The following NCKAP5 variants were observed in gnomAD, a reference collection of about 807,000 sequenced individuals.
NCKAP5 encodes the protein NCK associated protein 5.
A neutral mutation model predicts 167.0 loss-of-function variants in NCKAP5; 92 were observed. The observed-to-expected ratio is 0.55, with a 90% CI of 0.47 to 0.66. The LOEUF is 0.66. NCKAP5 is among the 30% of genes least tolerant of loss of function. The pLI, the probability that NCKAP5 is intolerant of heterozygous loss-of-function variation, is 0.00. For missense variants in NCKAP5, 2,378 were observed against 2,315.0 expected (o/e 1.03, Z -0.56); for synonymous variants, 891 against 877.4 (o/e 1.02, Z -0.27).
At chr2:133,115,856 C>T (rs1244151782) in intron 6 of NCKAP5, among the ~76,000 whole-genome samples, 8 of 119,898 alleles carry the variant, frequency 6.7e-5, no homozygotes, top group African/African-American at 2.4e-4. Flanking sequence ...CCTTCTCAAC[C>T]TGGTATGGAG....
chr2:133,116,512 A>G (rs1294052150), intron 6 of NCKAP5, among the ~76,000 whole-genome samples: 2 of 150,880 alleles, frequency 1.3e-5, no homozygotes, highest in African/African-American at 4.9e-5. Flanking sequence ...AAAAAAAAAA[A>G]AAAAGAAAAA....
intron 6 of NCKAP5, among the ~76,000 whole-genome samples, chr2:133,044,115 A>AT (rs2079306965): frequency 6.6e-6 from 1 of 152,142 alleles, no homozygotes; most frequent in Non-Finnish European, 1.5e-5. Flanking sequence ...GGGCTGGTAA[A>AT]TTGTTTATTC....
intron 16 of NCKAP5, among the ~76,000 whole-genome samples, chr2:132,756,147 C>A (rs997856552): frequency 1.3e-5 from 2 of 152,062 alleles, no homozygotes; most frequent in African/African-American, 4.8e-5. Context: ...TGAAAACACA[C>A]TCAAAAATGC....
At chr2:133,282,202 T>C (rs937947630) in intron 4 of NCKAP5, among the ~76,000 whole-genome samples, 1 of 152,206 alleles carries the variant, frequency 6.6e-6, no homozygotes, top group African/African-American at 2.4e-5. Context: ...GACTTAATAC[T>C]TGTGAAGTGT....
At chr2:133,326,156 T>C (rs370703840) in intron 3 of NCKAP5, among the ~76,000 whole-genome samples, 3 of 152,136 alleles carry the variant, frequency 2.0e-5, no homozygotes, top group African/African-American at 7.2e-5. Context: ...TAGGATATCC[T>C]TGATTGAAAA....
intron 11 of NCKAP5, among the ~76,000 whole-genome samples, chr2:132,820,638 A>C (rs1419628772): frequency 6.6e-6 from 1 of 152,182 alleles, no homozygotes; most frequent in Non-Finnish European, 1.5e-5. Flanking sequence ...TCCTCTCTGC[A>C]TAGCCCTTTG....
rs554663712 is a variant in NCKAP5, at chr2:133,490,422, C to T, written c.69+27036G>A. ...TTTTTAGATTTCTTACTTCTACTGACGGAGCAGTTAAGACCTGCCCTGTGG... is the reference window on the plus strand; with the variant it reads ...TTTTTAGATTTCTTACTTCTACTGATGGAGCAGTTAAGACCTGCCCTGTGG... On this transcript the variant is annotated intron_variant, in intron 3 of 19. Transcript: ENST00000409261. Among the ~76,000 whole-genome samples, 58 of 152,264 alleles carry T rather than the reference C, an allele frequency of 3.8e-4. No homozygotes were observed. The South Asian group carries it at 5.4e-3, about 14-fold the overall frequency.
intron 3 of NCKAP5, among the ~76,000 whole-genome samples, chr2:133,423,951 A>C (rs1299037669): frequency 6.6e-6 from 1 of 152,212 alleles, no homozygotes; most frequent in Non-Finnish European, 1.5e-5. Context: ...CTAAAGCAAG[A>C]CTAATTTCTC....
At position 132,785,417 on chromosome 2, in the gene NCKAP5, T is replaced by A. The variant is rs202210979; in HGVS notation, c.1394A>T (p.His465Leu). 3 of 1,613,916 alleles carry A rather than the reference T, an allele frequency of 1.9e-6. No individual in the cohort carries two copies. In the Admixed American group the frequency reaches 5.0e-5, roughly 27 times the overall value. The change falls in exon 14 of 20, where the codon CAC (histidine) becomes CTC (leucine). Residue 465 changes from histidine to leucine, a missense_variant. By Grantham distance (99) the His-to-Leu change is moderately conservative. Transcript: ENST00000409261. ...ADLGSPCKEP[H>L]KTFVYDLDSH... Reference sequence around the variant, plus strand: ...ATCTAGATCATAAACAAATGTCTTGTGGGGTTCCTTGCAGGGGCTCCCCAG... The same window carrying A: ...ATCTAGATCATAAACAAATGTCTTGAGGGGTTCCTTGCAGGGGCTCCCCAG...
At chr2:133,637,794 G>C in the NCKAP5 span, among the ~76,000 whole-genome samples, 1 of 152,070 alleles carries the variant, frequency 6.6e-6, no homozygotes, top group African/African-American at 2.4e-5. Flanking sequence ...TAGAGTTCTA[G>C]AAGGCACAAT....
chr2:132,999,967 C>T (rs2077726421), intron 6 of NCKAP5, among the ~76,000 whole-genome samples: 1 of 152,192 alleles, frequency 6.6e-6, no homozygotes, highest in Admixed American at 6.5e-5. Flanking sequence ...CAATTGAAGG[C>T]TGAACCAAAT....
intron 19 of NCKAP5, among the ~76,000 whole-genome samples, chr2:132,710,860 T>C (rs1414033613): frequency 1.3e-5 from 2 of 152,152 alleles, no homozygotes; most frequent in South Asian, 2.1e-4. Context: ...AGATATTTTA[T>C]GGCACTGAAG....
chr2:133,567,393 T>C (rs1558791612), intron 1 of NCKAP5, among the ~76,000 whole-genome samples: 1 of 151,798 alleles, frequency 6.6e-6, no homozygotes, highest in Non-Finnish European at 1.5e-5. Context: ...AGCTCACTCT[T>C]CCTATTTAAA....
chr2:132,703,697 T>C (rs538192624), intron 19 of NCKAP5, among the ~76,000 whole-genome samples: 1 of 152,332 alleles, frequency 6.6e-6, no homozygotes, highest in East Asian at 1.9e-4. Flanking sequence ...GGGTCATTCA[T>C]TCATTCATTC....
chr2:132,881,545 C>T (rs1364991820), intron 8 of NCKAP5, among the ~76,000 whole-genome samples: 1 of 138,612 alleles, frequency 7.2e-6, no homozygotes, highest in Non-Finnish European at 1.5e-5. Flanking sequence ...CCTCTTCTTC[C>T]TTACCTTTCT....
intron 16 of NCKAP5, among the ~76,000 whole-genome samples, chr2:132,736,513 G>C (rs753806989): frequency 6.6e-6 from 1 of 152,044 alleles, no homozygotes; most frequent in Non-Finnish European, 1.5e-5. Flanking sequence ...GGGCGCGGTG[G>C]CTCATGCCTG....
intron 3 of NCKAP5, among the ~76,000 whole-genome samples, chr2:133,352,168 C>T (rs1391004215): frequency 1.3e-5 from 2 of 152,166 alleles, no homozygotes; most frequent in African/African-American, 4.8e-5. Flanking sequence ...AAATAACCAA[C>T]AACCTTCACA....
At chr2:133,641,075 G>A in the NCKAP5 span, among the ~76,000 whole-genome samples, 1 of 152,210 alleles carries the variant, frequency 6.6e-6, no homozygotes, top group African/African-American at 2.4e-5. Context: ...AAACTGTAAA[G>A]TCAAATAGAA....
chr2:133,191,249 T>C (rs2085205687), intron 5 of NCKAP5, among the ~76,000 whole-genome samples: 1 of 151,956 alleles, frequency 6.6e-6, no homozygotes, highest in Non-Finnish European at 1.5e-5. Context: ...GTTAGAATGG[T>C]GATCATTAAA....
Sources: allele counts gnomAD v4.1 joint callset (sites outside exome capture counted in the v4.1 genomes callset), GRCh38; gene constraint gnomAD v4.1.1; transcripts MANE v1.5; gene names NCBI Gene and HGNC (gene_info 2026-07-23, HGNC 2026-07-21).